The following DPYSL2 variants were observed in gnomAD, a reference collection of about 807,000 sequenced individuals.
DPYSL2 encodes the protein dihydropyrimidinase-related protein 2.
Under a neutral mutation model 69.9 loss-of-function variants are expected in DPYSL2, and 13 were observed. The ratio of observed to expected loss-of-function variants is 0.19; its 90% CI spans 0.12 to 0.30. The LOEUF (loss-of-function observed/expected upper bound fraction) is 0.30. DPYSL2 is among the 10% of genes least tolerant of loss of function. DPYSL2 has a pLI of 1.00. For missense variants in DPYSL2, 587 were observed against 918.9 expected, an observed-to-expected ratio of 0.64 and a Z score of 4.67; for synonymous variants, 326 against 359.1, an observed-to-expected ratio of 0.91 and a Z score of 1.04.
chr8:26,626,813 T>A lies in DPYSL2; in HGVS notation c.855+135T>A. On this transcript the variant is annotated intron_variant, in intron 5 of 13. Coordinates refer to ENST00000521913, the MANE Select transcript of DPYSL2 (RefSeq NM_001197293.3). The surrounding 1 kb of genome is among the most constrained non-coding windows in gnomAD (Gnocchi z 4.3). Reference sequence around the variant, plus strand: ...AGTGGCTGGTGGATGCAGTTACTGATGTAACTGAGCCTTGGAAGAGAGTAT... The same window carrying A: ...AGTGGCTGGTGGATGCAGTTACTGAAGTAACTGAGCCTTGGAAGAGAGTAT... 1.1e-6 allele frequency: 1 copy of A among 893,222 alleles called. No homozygotes were observed. Among genetic ancestry groups the A allele is most frequent in the Non-Finnish European group, 1.8e-6 (1 of 570,052 alleles). 55.3% of individuals were successfully genotyped at this position (893,222 alleles called of 1,614,324 possible). A position where few individuals can be genotyped will look rare whatever the true frequency, so the allele number is the denominator to read the frequency against.
intron 3 of DPYSL2, among the ~76,000 whole-genome samples, chr8:26,602,107 A>G (rs1158452446): frequency 6.6e-6 from 1 of 151,036 alleles, no homozygotes; most frequent in Admixed American, 6.6e-5. Flanking sequence ...TATAGAGAAC[A>G]GGAATTTATA....
At chr8:26,570,812 T>C (rs1244264178) in intron 1 of DPYSL2, among the ~76,000 whole-genome samples, 2 of 151,036 alleles carry the variant, frequency 1.3e-5, no homozygotes, top group Admixed American at 6.6e-5. Flanking sequence ...AATTAGAATC[T>C]GGGCCTGGAA....
At chr8:26,651,134 C>G (rs1325561007) in intron 11 of DPYSL2, among the ~76,000 whole-genome samples, 1 of 152,186 alleles carries the variant, frequency 6.6e-6, no homozygotes, top group Non-Finnish European at 1.5e-5. Flanking sequence ...CGCCTCTCTG[C>G]TATGGTTCCT....
chr8:26,624,705 G>A lies in DPYSL2; in HGVS notation c.793+398G>A, dbSNP rs375331715. On this transcript the variant is annotated intron_variant, in intron 4 of 13. Coordinates refer to ENST00000521913, the MANE Select transcript of DPYSL2 (RefSeq NM_001197293.3). This position sits in a 1 kb window ranked among gnomAD's most constrained non-coding sequence, Gnocchi z 4.7. ...TTTGACAGTCTCAGGAGAGTGTTGG[G>A]CAGCCCCTTCCTACAAACCTGGATG... 6.6e-6 allele frequency among the ~76,000 whole-genome samples: 1 copy of A among 152,128 alleles called. No homozygotes were observed. Among genetic ancestry groups the A allele is most frequent in the East Asian group, 1.9e-4 (1 of 5,196 alleles).
chr8:26,577,719 A>G (rs1325986458), intron 1 of DPYSL2: 1 of 805,502 alleles, frequency 1.2e-6, no homozygotes. Flanking sequence ...AGCGCGCGAA[A>G]GGCGCGCTCC....
At chr8:26,573,191 C>T (rs952265787) in intron 1 of DPYSL2, among the ~76,000 whole-genome samples, 9 of 152,104 alleles carry the variant, frequency 5.9e-5, no homozygotes, top group African/African-American at 1.9e-4. Flanking sequence ...GTTTCAGGGG[C>T]TTGGAGAAGG....
In DPYSL2 at chr8:26,650,392, T is replaced by C. The variant is rs1386654788; in HGVS notation, c.1597-1865T>C. ...TAGCTGTGGAGTGATGTGGAAGAGA[T>C]GGCTCTTGATCCAGGCCTTAAAGGA... On this transcript the variant is annotated intron_variant, in intron 11 of 13. Coordinates refer to ENST00000521913, the MANE Select transcript of DPYSL2 (RefSeq NM_001197293.3). The surrounding 1 kb of genome is among the most constrained non-coding windows in gnomAD (Gnocchi z 5.3). Among the ~76,000 whole-genome samples, 1 of 152,220 alleles carries C rather than the reference T, an allele frequency of 6.6e-6. No individual in the cohort carries two copies. The highest frequency in any genetic ancestry group is 1.5e-5 in the Non-Finnish European group (1 of 68,042).
At chr8:26,554,366 GT>G (rs35311135) in intron 1 of DPYSL2, among the ~76,000 whole-genome samples, 12,271 of 145,992 alleles carry the variant, frequency 0.084, 697 homozygotes, top group Non-Finnish European at 0.12. Context: ...GTTTTTAATG[GT>G]TTTTTTTTTT....
chr8:26,603,772 A>G (rs924186934), intron 3 of DPYSL2, among the ~76,000 whole-genome samples: 1 of 152,230 alleles, frequency 6.6e-6, no homozygotes, highest in Non-Finnish European at 1.5e-5. Flanking sequence ...ATGACATTGC[A>G]GAATGGCCCC....
At chr8:26,527,230 C>G (rs1439172406) in intron 1 of DPYSL2, among the ~76,000 whole-genome samples, 2 of 152,124 alleles carry the variant, frequency 1.3e-5, no homozygotes, top group Admixed American at 6.6e-5. Context: ...CTTGGTGACT[C>G]TTTTTGTTTC....
Position 26,643,805 on chromosome 8 carries a change from A to C in DPYSL2, c.1284-145A>C, listed in dbSNP as rs966296600. On this transcript the variant is annotated intron_variant, in intron 9 of 13. Transcript: ENST00000521913. This position sits in a 1 kb window ranked among gnomAD's most constrained non-coding sequence, Gnocchi z 6.5. ...TGGATAAAAACCTGGGCCATGTTGA[A>C]AGTCAAGCCAAGAAGGGAGAGGAGG... 16 of 1,275,798 alleles carry C rather than the reference A, an allele frequency of 1.3e-5. No individual in the cohort carries two copies. The highest frequency in any genetic ancestry group is 3.0e-5 in the African/African-American group (2 of 66,690). The allele number at this position is 1,275,798 out of a possible 1,614,324, so 79.0% of individuals were successfully genotyped here.
Position 26,650,678 on chromosome 8 carries a change from C to T in DPYSL2, c.1597-1579C>T, listed in dbSNP as rs1803263481. ...AGGAGTCTCATAGGAGACTGGGCCA[C>T]CAAGGGCCAGCGTGTGCTTATTATG... is the stretch of plus-strand genomic sequence containing the variant. On this transcript the variant is annotated intron_variant, in intron 11 of 13. Coordinates refer to ENST00000521913, the MANE Select transcript of DPYSL2 (RefSeq NM_001197293.3). The surrounding 1 kb of genome is among the most constrained non-coding windows in gnomAD (Gnocchi z 5.3). Among the ~76,000 whole-genome samples the T allele has an allele frequency of 6.6e-6, 1 of 152,194 alleles. No homozygotes were observed. The highest frequency in any genetic ancestry group is 1.5e-5 in the Non-Finnish European group (1 of 68,038).
chr8:26,567,905 G>A (rs979726962), intron 1 of DPYSL2, among the ~76,000 whole-genome samples: 19 of 152,138 alleles, frequency 1.2e-4, no homozygotes, highest in Non-Finnish European at 1.5e-4. Flanking sequence ...CTTTAAAGTG[G>A]TCTTTTTACT....
chr8:26,635,473 C>T (rs1037894306), intron 8 of DPYSL2, among the ~76,000 whole-genome samples: 1 of 152,228 alleles, frequency 6.6e-6, no homozygotes, highest in African/African-American at 2.4e-5. Flanking sequence ...CCAGTGCTTC[C>T]TCTAGAGGAC....
At chr8:26,538,025 C>T (rs1000417013) in intron 1 of DPYSL2, among the ~76,000 whole-genome samples, 4 of 152,274 alleles carry the variant, frequency 2.6e-5, no homozygotes, top group African/African-American at 4.8e-5. Flanking sequence ...ATGATTTATA[C>T]ATTTTTGTCA....
In DPYSL2 at chr8:26,569,497, G is replaced by T. The variant is rs549196611; in HGVS notation, c.355-12472G>T. Among the ~76,000 whole-genome samples the T allele has an allele frequency of 1.2e-4, 18 of 152,240 alleles. No individual in the cohort carries two copies. In the South Asian group the frequency reaches 3.7e-3, roughly 32 times the overall value. On this transcript the variant is annotated intron_variant, in intron 1 of 13. Coordinates refer to ENST00000521913, the MANE Select transcript of DPYSL2 (RefSeq NM_001197293.3). ...CTCGGTCACCTGGGCTGAAGAACAG[G>T]TATCTTTAGAAAGGTTCTCCTGTTC...
At chr8:26,607,804 G>T (rs1406506142) in intron 3 of DPYSL2, among the ~76,000 whole-genome samples, 2 of 151,886 alleles carry the variant, frequency 1.3e-5, no homozygotes, top group Non-Finnish European at 2.9e-5. Context: ...AATCGGCTGG[G>T]TGTGGTGGCT....
At position 26,571,321 on chromosome 8, in the gene DPYSL2, T is replaced by G. The variant is rs910058173; in HGVS notation, c.355-10648T>G. ...GGGTGATTCTGATGGAGGGGAGTAC[T>G]TGGGCACACCAACGGAAACAAGTGA... On this transcript the variant is annotated intron_variant, in intron 1 of 13. Coordinates refer to ENST00000521913, the MANE Select transcript of DPYSL2 (RefSeq NM_001197293.3). This position sits in a 1 kb window ranked among gnomAD's most constrained non-coding sequence, Gnocchi z 6.1. Among the ~76,000 whole-genome samples the G allele has an allele frequency of 3.3e-5, 5 of 152,272 alleles. No homozygotes were observed. In the East Asian group the frequency reaches 9.7e-4, roughly 29 times the overall value.
chr8:26,589,409 C>G (rs1801673741), intron 3 of DPYSL2, among the ~76,000 whole-genome samples: 1 of 152,242 alleles, frequency 6.6e-6, no homozygotes, highest in Non-Finnish European at 1.5e-5. Context: ...GGCAGCCTCA[C>G]TCCTCAGAGG....
Sources: allele counts gnomAD v4.1 joint callset (sites outside exome capture counted in the v4.1 genomes callset), GRCh38; gene constraint gnomAD v4.1.1; non-coding constraint Gnocchi (gnomAD v3.1); transcripts MANE v1.5; gene names NCBI Gene and HGNC (gene_info 2026-07-23, HGNC 2026-07-21).